KDM2A: variants seen among roughly 807,000 people sequenced by gnomAD.
KDM2A encodes lysine demethylase 2A.
KDM2A carries 3 observed loss-of-function variants against 137.3 expected under a neutral mutation model. The ratio of observed to expected loss-of-function variants is 0.02; its 90% CI spans 0.01 to 0.06. The LOEUF is 0.06. Among genes scored for constraint, KDM2A ranks in the 10% least tolerant of loss-of-function variants. The pLI, the probability that KDM2A is intolerant of heterozygous loss-of-function variation, is 1.00. For missense variants in KDM2A, 738 were observed against 1,510.6 expected (o/e 0.49, Z 8.48); for synonymous variants, 512 against 541.5 (o/e 0.95, Z 0.76).
chr11:67,141,681 AAATATATATAT>A (rs1483174137), intron 2 of KDM2A, among the ~76,000 whole-genome samples: 40 of 75,256 alleles, frequency 5.3e-4, no homozygotes, highest in African/African-American at 1.9e-3. Context: ...AAAAAAAAAA[AAATATATATAT>A]ATATATATAT....
chr11:67,149,903 A>G (rs1856346858), intron 2 of KDM2A, among the ~76,000 whole-genome samples: 2 of 151,962 alleles, frequency 1.3e-5, no homozygotes, highest in Admixed American at 1.3e-4. Context: ...TATTTTTAGT[A>G]GAAGAGCGGG....
chr11:67,178,052 C>G (rs1216439594), intron 2 of KDM2A, among the ~76,000 whole-genome samples: 1 of 152,148 alleles, frequency 6.6e-6, no homozygotes, highest in Non-Finnish European at 1.5e-5. Context: ...GTATAAGCAA[C>G]ATTTTGAAAG....
At chr11:67,180,881 C>T (rs770601766) in intron 3 of KDM2A, among the ~76,000 whole-genome samples, 1 of 151,064 alleles carries the variant, frequency 6.6e-6, no homozygotes, top group Admixed American at 6.6e-5. Flanking sequence ...AGGCTGGTCT[C>T]GAACTCCTGA....
At chr11:67,196,568 T>C (rs1385542575) in intron 5 of KDM2A, 4 of 425,038 alleles carry the variant, frequency 9.4e-6, no homozygotes, top group Admixed American at 2.6e-5. Context: ...AATTCTGATA[T>C]ATACTACACA....
chr11:67,145,790 T>G (rs986590409), intron 2 of KDM2A, among the ~76,000 whole-genome samples: 1 of 152,030 alleles, frequency 6.6e-6, no homozygotes, highest in African/African-American at 2.4e-5. Context: ...CCTTTGCGTA[T>G]GCTGTTCTTT....
Position 67,250,892 on chromosome 11 carries a change from C to T in KDM2A, c.2768+94C>T. On this transcript the variant is annotated intron_variant, in intron 17 of 20. Transcript: ENST00000529006. This position sits in a 1 kb window ranked among gnomAD's most constrained non-coding sequence, Gnocchi z 7.1. ...CAGCATGCACCTTGGCATCTGAAAG[C>T]CTGTGGGGTCTTATGAGGAGTGAAT... 3 of 947,628 alleles carry T rather than the reference C, an allele frequency of 3.2e-6. No individual in the cohort carries two copies. The highest frequency in any genetic ancestry group is 4.8e-6 in the Non-Finnish European group (3 of 622,432). The allele number at this position is 947,628 out of a possible 1,614,324, so 58.7% of individuals were successfully genotyped here. A position where few individuals can be genotyped will look rare whatever the true frequency, so the allele number is the denominator to read the frequency against.
intron 2 of KDM2A, among the ~76,000 whole-genome samples, chr11:67,130,658 C>G (rs1007427760): frequency 8.5e-5 from 13 of 152,106 alleles, no homozygotes; most frequent in Non-Finnish European, 1.5e-5. Flanking sequence ...AACGGACACT[C>G]TTAATTAGGT....
intron 2 of KDM2A, among the ~76,000 whole-genome samples, chr11:67,158,485 G>C (rs1341302603): frequency 6.6e-6 from 1 of 152,168 alleles, no homozygotes; most frequent in African/African-American, 2.4e-5. Context: ...CTGCCAAGCT[G>C]TTTTCCAAAG....
intron 2 of KDM2A, among the ~76,000 whole-genome samples, chr11:67,175,433 GAAA>G (rs894354331): frequency 6.6e-6 from 1 of 152,066 alleles, no homozygotes; most frequent in African/African-American, 2.4e-5. Context: ...CTCTGTCTCC[GAAA>G]AAAACCAGCA....
At chr11:67,196,030 A>C in intron 5 of KDM2A, 1 of 411,440 alleles carries the variant, frequency 2.4e-6, no homozygotes, top group South Asian at 2.0e-5. Context: ...AATTTCTCTC[A>C]CTTAGATGTA....
At chr11:67,237,165 T>C (rs1858895792) in intron 12 of KDM2A, among the ~76,000 whole-genome samples, 1 of 152,220 alleles carries the variant, frequency 6.6e-6, no homozygotes, top group African/African-American at 2.4e-5. Flanking sequence ...AAATTGTTAT[T>C]TGTGATGTAA....
intron 2 of KDM2A, among the ~76,000 whole-genome samples, chr11:67,147,127 C>T (rs904808458): frequency 6.6e-6 from 1 of 152,092 alleles, no homozygotes; most frequent in Admixed American, 6.6e-5. Flanking sequence ...ATGTCATCAA[C>T]TTAAAAATGA....
At chr11:67,141,685 ATATAT>A (rs1565374841) in intron 2 of KDM2A, among the ~76,000 whole-genome samples, 143 of 90,400 alleles carry the variant, frequency 1.6e-3, no homozygotes, top group African/African-American at 3.9e-3. Context: ...AAAAAAAAAT[ATATAT>A]ATATATATAT....
In KDM2A at chr11:67,228,156, C is replaced by T; in HGVS notation, c.1077C>T (p.Leu359=). 6.2e-7 allele frequency: 1 copy of T among 1,613,950 alleles called. No homozygotes were observed. The highest frequency in any genetic ancestry group is 8.5e-7 in the Non-Finnish European group (1 of 1,179,838). ...CTAAGGAATTTCAGAAAGAGTCCCTCAGCATGGGTAAGTATTCTGCCTATA... is the reference window on the plus strand; with the variant it reads ...CTAAGGAATTTCAGAAAGAGTCCCTTAGCATGGGTAAGTATTCTGCCTATA... ...HLTKEFQKES[L]SMDLELNGLE... Residue 359 remains leucine, a synonymous_variant, in exon 11 of 21, where the codon CTC becomes CTT. Coordinates refer to ENST00000529006, the MANE Select transcript of KDM2A (RefSeq NM_012308.3).
At chr11:67,172,617 TGTGTGTG>T (rs748439408) in intron 2 of KDM2A, among the ~76,000 whole-genome samples, 1,399 of 7,020 alleles carry the variant, frequency 0.2, 9 homozygotes, top group Non-Finnish European at 0.49. Context: ...CTCTTATAGT[TGTGTGTG>T]TGTGTGTGTG....
In KDM2A at chr11:67,252,732, G is replaced by A; in HGVS notation, c.2807G>A (p.Ser936Asn). Residue 936 changes from serine (S) to asparagine (N), a missense_variant, in exon 18 of 21, where the codon AGT becomes AAT. Around this residue, in one of 9 missense-constraint regions of KDM2A, gnomAD observed 166 missense variants for 324.0 expected, o/e 0.51. Transcript: ENST00000529006. Reference sequence around the variant, plus strand: ...AGACTTTGGACAAAAATTGACTTGAGTAGGTGTAAGGCCATTGTGCCCCAG... The same window carrying A: ...AGACTTTGGACAAAAATTGACTTGAATAGGTGTAAGGCCATTGTGCCCCAG... Reference protein sequence around the residue: ...DKRLWTKIDLSRCKAIVPQAL... With the variant: ...DKRLWTKIDLNRCKAIVPQAL... 1 of 1,614,004 alleles carries A rather than the reference G, an allele frequency of 6.2e-7. No homozygotes were observed. The highest frequency in any genetic ancestry group is 8.5e-7 in the Non-Finnish European group (1 of 1,179,886).
intron 2 of KDM2A, among the ~76,000 whole-genome samples, chr11:67,179,514 A>G (rs1039133298): frequency 5.9e-5 from 9 of 152,178 alleles, no homozygotes; most frequent in Non-Finnish European, 1.3e-4. Context: ...TCCCGACCTC[A>G]GGTGATCCGC....
At chr11:67,142,395 A>G (rs1020856486) in intron 2 of KDM2A, among the ~76,000 whole-genome samples, 32 of 149,534 alleles carry the variant, frequency 2.1e-4, no homozygotes, top group Non-Finnish European at 4.2e-4. Flanking sequence ...TCATGCCTGT[A>G]ATCCCAGCAC....
chr11:67,219,582 TC>T, intron 10 of KDM2A, 179 bp downstream of exon 10: 1 of 359,778 alleles, frequency 2.8e-6, no homozygotes, highest in Non-Finnish European at 5.1e-6. Flanking sequence ...TAAGGCAGAA[TC>T]TTGTTCTGTT....
Sources: gnomAD v4.1 joint callset for allele counts (sites outside exome capture counted in the v4.1 genomes callset) on GRCh38, gnomAD v4.1.1 for gene constraint, gnomAD v4.1.1 regional missense constraint, Gnocchi (gnomAD v3.1) non-coding constraint, MANE v1.5 for transcripts, NCBI Gene and HGNC (gene_info 2026-07-23, HGNC 2026-07-21) for gene names.